SEL1L2: variants seen among roughly 807,000 people sequenced by gnomAD.
SEL1L2 encodes protein sel-1 homolog 2.
In SEL1L2, 89 loss-of-function variants were observed where a neutral mutation model predicts 98.8. That is an observed-to-expected ratio of 0.90 (90% CI 0.76 to 1.07). The LOEUF (loss-of-function observed/expected upper bound fraction) is 1.07, where lower values mean the gene tolerates loss of function less well. SEL1L2 is among the 50% of genes least tolerant of loss of function. The probability of loss-of-function intolerance (pLI) is 0.00; values close to 1 mark genes in which losing one functional copy is unlikely to be tolerated. For synonymous variants in SEL1L2, 262 were observed against 278.5 expected (o/e 0.94, Z 0.59); for missense variants, 788 against 812.0 (o/e 0.97, Z 0.36).
intron 15 of SEL1L2, 46 bp from the exon 16 acceptor site, chr20:13,865,560 T>C (rs1990868367): frequency 2.0e-6 from 3 of 1,520,960 alleles, no homozygotes; most frequent in Non-Finnish European, 9.0e-7. Flanking sequence ...GCCAGTATGC[T>C]TCACCCCAGG....
chr20:13,861,953 C>G (rs1990210887), intron 17 of SEL1L2, among the ~76,000 whole-genome samples: 1 of 152,174 alleles, frequency 6.6e-6, no homozygotes, highest in African/African-American at 2.4e-5. Flanking sequence ...AGCCCCCACC[C>G]CAGAAGTTAT....
At chr20:13,900,569 T>A (rs1265748147) in intron 5 of SEL1L2, among the ~76,000 whole-genome samples, 2 of 152,170 alleles carry the variant, frequency 1.3e-5, no homozygotes, top group Non-Finnish European at 2.9e-5. Context: ...CTCTTATTGT[T>A]ATAATCTTAA....
At chr20:13,972,621 T>A (rs1020772801) in intron 1 of SEL1L2, among the ~76,000 whole-genome samples, 38 of 146,442 alleles carry the variant, frequency 2.6e-4, no homozygotes, top group African/African-American at 9.0e-4. Flanking sequence ...TATGAAAATG[T>A]CTCATGTTTG....
rs1414792897 is a variant in SEL1L2, at chr20:13,869,602, T to C, written c.1168-12A>G. The C allele has an allele frequency of 1.2e-6, 2 of 1,600,246 alleles. No individual in the cohort carries two copies. Among genetic ancestry groups the C allele is most frequent in the Non-Finnish European group, 1.7e-6 (2 of 1,167,456 alleles). ...GCTTCGGCATAATTCTGCAAGATAA[T>C]TACACTCTATTACTCAAAGGCACAA... On this transcript the variant is annotated splice_polypyrimidine_tract_variant and intron_variant, in intron 13 of 19. Coordinates refer to ENST00000284951, the MANE Select transcript of SEL1L2 (RefSeq NM_025229.2).
At chr20:13,958,469 A>G (rs1175069117) in intron 1 of SEL1L2, among the ~76,000 whole-genome samples, 1 of 152,082 alleles carries the variant, frequency 6.6e-6, no homozygotes, top group Non-Finnish European at 1.5e-5. Context: ...CTTGCTGTTT[A>G]TTTTATGTTT....
At chr20:13,946,799 A>ACCTG (rs113765346) in intron 2 of SEL1L2, among the ~76,000 whole-genome samples, 150,527 of 152,344 alleles carry the variant, frequency 0.99, 74,365 homozygotes, top group East Asian at 1. Flanking sequence ...AGCACCTGGT[A>ACCTG]CTGTGATTTT....
chr20:13,872,993 CTTTTTTT>C (rs112463334), intron 12 of SEL1L2, among the ~76,000 whole-genome samples: 3 of 141,170 alleles, frequency 2.1e-5, no homozygotes, highest in Non-Finnish European at 3.1e-5. Flanking sequence ...TTTCTTTTTT[CTTTTTTT>C]TTTTTTTTGA....
At chr20:13,949,275 A>G (rs1272343343) in intron 2 of SEL1L2, among the ~76,000 whole-genome samples, 3 of 152,256 alleles carry the variant, frequency 2.0e-5, no homozygotes, top group Admixed American at 1.3e-4. Flanking sequence ...CATCAAGCCC[A>G]TGGAAATCTG....
At chr20:13,926,965 T>C (rs62207686) in intron 3 of SEL1L2, among the ~76,000 whole-genome samples, 8,664 of 152,272 alleles carry the variant, frequency 0.057, 280 homozygotes, top group Non-Finnish European at 0.073. Flanking sequence ...CCTGCAGGAA[T>C]AGGCTCCACT....
intron 6 of SEL1L2, 98 bp downstream of exon 6, chr20:13,888,361 A>T: frequency 1.3e-6 from 1 of 795,366 alleles, no homozygotes; most frequent in Non-Finnish European, 2.1e-6. Context: ...TTCAACTACT[A>T]CACTAGAGTG....
At position 13,953,526 on chromosome 20, in the gene SEL1L2, G is replaced by A. The variant is rs551797748; in HGVS notation, c.114+2550C>T. Among the ~76,000 whole-genome samples, 85 of 152,330 alleles carry A rather than the reference G, an allele frequency of 5.6e-4. No homozygotes were observed. In the South Asian group the frequency reaches 7.3e-3, roughly 13 times the overall value. On this transcript the variant is annotated intron_variant, in intron 2 of 19. Coordinates refer to ENST00000284951, the MANE Select transcript of SEL1L2 (RefSeq NM_025229.2). ...CTTCTGCAGAGGGGGGAATGAGACA[G>A]CCAGGTGTAAAAGGGTCCCTGGAGA...
chr20:13,989,194 C>T (rs899318339), intron 1 of SEL1L2, among the ~76,000 whole-genome samples: 8 of 152,130 alleles, frequency 5.3e-5, no homozygotes, highest in Non-Finnish European at 7.3e-5. Flanking sequence ...ATGAGTTTCA[C>T]ACTTTTTTTG....
Position 13,903,326 on chromosome 20 carries a change from C to T in SEL1L2, c.549+10456G>A, listed in dbSNP as rs779371946. The stretch of plus-strand genomic sequence containing the variant: ...TTAGATCATCAATATCACTTTCTCA[C>T]GGTTCCTCCTCACTCCTTCTCTCAG... On this transcript the variant is annotated intron_variant, in intron 5 of 19. Coordinates refer to ENST00000284951, the MANE Select transcript of SEL1L2 (RefSeq NM_025229.2). Among the ~76,000 whole-genome samples the T allele has an allele frequency of 1.2e-4, 18 of 152,222 alleles. 1 individual carries two copies. In the South Asian group the frequency reaches 1.5e-3, roughly 12 times the overall value.
rs769303991 is a variant in SEL1L2 at position 13,865,514 on chromosome 20, G to A, written c.1405C>T (p.Leu469Phe). The A allele has an allele frequency of 1.2e-6, 2 of 1,612,916 alleles. No homozygotes were observed. The highest frequency in any genetic ancestry group is 1.7e-6 in the Non-Finnish European group (2 of 1,179,504). Residue 469 changes from leucine (L) to phenylalanine (F), a missense_variant and splice_region_variant, in exon 16 of 20, where the codon CTT becomes TTT. Physicochemically the swap from Leu to Phe is conservative, Grantham distance 22. Coordinates refer to ENST00000284951, the MANE Select transcript of SEL1L2 (RefSeq NM_025229.2). ...CCTAGTTCACAGACACCTTTATAAAGCTGTACATGAGAGGAGAAATCAAGG... is the reference window on the plus strand; with the variant it reads ...CCTAGTTCACAGACACCTTTATAAAACTGTACATGAGAGGAGAAATCAAGG... ...VVRSCRTAVE[L>F]YKGVCELGHW...
intron 12 of SEL1L2, among the ~76,000 whole-genome samples, chr20:13,873,802 T>C (rs868772911): frequency 2.0e-5 from 3 of 152,146 alleles, no homozygotes; most frequent in Non-Finnish European, 4.4e-5. Flanking sequence ...AGGCATTTCT[T>C]TGGCAAATAT....
At chr20:13,905,848 A>C (rs2047903163) in intron 5 of SEL1L2, among the ~76,000 whole-genome samples, 1 of 151,536 alleles carries the variant, frequency 6.6e-6, no homozygotes, top group Admixed American at 6.6e-5. Flanking sequence ...AATTGTTTGT[A>C]AGACTTATTT....
intron 2 of SEL1L2, among the ~76,000 whole-genome samples, chr20:13,950,219 C>T (rs561871037): frequency 5.3e-5 from 8 of 151,852 alleles, no homozygotes; most frequent in African/African-American, 1.4e-4. Context: ...TATAGAGTTT[C>T]GGTTTTACAA....
At chr20:13,952,764 TG>T (rs56191702) in intron 2 of SEL1L2, among the ~76,000 whole-genome samples, 109,526 of 152,024 alleles carry the variant, frequency 0.72, 40,409 homozygotes, top group South Asian at 0.82. Flanking sequence ...GCGCGGTGCC[TG>T]GACGCCTGTA....
chr20:13,925,727 C>G (rs2048862447), intron 3 of SEL1L2, among the ~76,000 whole-genome samples: 1 of 152,206 alleles, frequency 6.6e-6, no homozygotes, highest in Non-Finnish European at 1.5e-5. Context: ...TTATTTCTAA[C>G]ATTTGAGGAT....
Sources: gnomAD v4.1 joint callset for allele counts (sites outside exome capture counted in the v4.1 genomes callset) on GRCh38, gnomAD v4.1.1 for gene constraint, MANE v1.5 for transcripts, NCBI Gene and HGNC (gene_info 2026-07-23, HGNC 2026-07-21) for gene names.